Variants in FRMPD1 observed in about 807,000 individuals in gnomAD.
FRMPD1 encodes FERM and PDZ domain containing 1, also known as FERM and PDZ domain-containing protein 1.
Under a neutral mutation model 117.8 loss-of-function variants are expected in FRMPD1, and 76 were observed. The observed-to-expected ratio is 0.65, with a 90% confidence interval of 0.54 to 0.78. The LOEUF is 0.78. FRMPD1 is among the 30% of genes least tolerant of loss of function. FRMPD1 has a pLI of 0.00. For missense variants in FRMPD1, 1,786 were observed against 1,964.5 expected (o/e 0.91, Z 1.72); for synonymous variants, 783 against 770.4 (o/e 1.02, Z -0.27).
Position 37,740,685 on chromosome 9 carries a change from G to C in FRMPD1, c.2157G>C (p.Leu719=). ...CCAGTGTCTCCCCGGCCAGCTACCT[G>C]AGTGACAGTTCCGAGAGTACAGCTT... ...LCSSVSPASY[L]SDSSESTASR... is the part of the protein sequence containing the mutation. The change falls in exon 15 of 16, where the codon CTG becomes CTC. Residue 719 remains leucine, a synonymous_variant. Transcript: ENST00000377765. This position sits in a 1 kb window ranked among gnomAD's most constrained non-coding sequence, Gnocchi z 4.2. The C allele has an allele frequency of 6.2e-7, 1 of 1,614,190 alleles. No homozygotes were observed. Among genetic ancestry groups the C allele is most frequent in the Non-Finnish European group, 8.5e-7 (1 of 1,180,020 alleles).
intron 1 of FRMPD1, among the ~76,000 whole-genome samples, chr9:37,667,267 T>C (rs1821189703): frequency 6.6e-6 from 1 of 150,736 alleles, no homozygotes; most frequent in Admixed American, 6.6e-5. Context: ...GGTCTCACCA[T>C]GTTGGCCAGG....
intron 1 of FRMPD1, among the ~76,000 whole-genome samples, chr9:37,681,567 C>T (rs184904106): frequency 5.3e-5 from 8 of 152,302 alleles, no homozygotes; most frequent in South Asian, 4.1e-4. Context: ...GCTATGATCA[C>T]GGTAATGAAC....
At chr9:37,643,161 G>A in the FRMPD1 span, among the ~76,000 whole-genome samples, 1 of 152,180 alleles carries the variant, frequency 6.6e-6, no homozygotes, top group South Asian at 2.1e-4. Flanking sequence ...AGAAATTAGA[G>A]TCTTTTTTAC....
rs1459264668 is a variant in FRMPD1 at position 37,740,252 on chromosome 9, C to A, written c.1724C>A (p.Thr575Asn). The A allele has an allele frequency of 1.2e-6, 2 of 1,613,900 alleles. No individual in the cohort carries two copies. Among genetic ancestry groups the A allele is most frequent in the South Asian group, 1.1e-5 (1 of 91,080 alleles). Reference sequence around the variant, plus strand: ...GAGGTGGCTAGGAGGGGCCCCAGCACCTGCGGGGCCAGCAGCACGACAGAC... The same window carrying A: ...GAGGTGGCTAGGAGGGGCCCCAGCAACTGCGGGGCCAGCAGCACGACAGAC... The part of the protein sequence containing the change: ...TPEVARRGPS[T>N]CGASSTTDSA... The change falls in exon 15 of 16, where the codon ACC becomes AAC. Residue 575 changes from threonine to asparagine, a missense_variant. By Grantham distance (65) the Thr-to-Asn change is moderately conservative. Coordinates refer to ENST00000377765, the MANE Select transcript of FRMPD1 (RefSeq NM_014907.3). The surrounding 1 kb of genome is among the most constrained non-coding windows in gnomAD (Gnocchi z 4.2).
At chr9:37,709,272 A>G (rs779560053) in intron 4 of FRMPD1, among the ~76,000 whole-genome samples, 98 of 147,782 alleles carry the variant, frequency 6.6e-4, no homozygotes, top group Non-Finnish European at 9.9e-4. Flanking sequence ...GCTAACTTGA[A>G]GAGATATATA....
At chr9:37,627,142 T>A in the FRMPD1 span, among the ~76,000 whole-genome samples, 36 of 151,990 alleles carry the variant, frequency 2.4e-4, no homozygotes, top group African/African-American at 8.7e-4. Flanking sequence ...CATGCTCCAC[T>A]CTTTCAGCTC....
the FRMPD1 span, among the ~76,000 whole-genome samples, chr9:37,608,519 G>C: frequency 6.6e-6 from 1 of 150,440 alleles, no homozygotes; most frequent in African/African-American, 2.5e-5. Flanking sequence ...TTCCTGAGAT[G>C]GGGGGAGGGT....
chr9:37,691,607 T>A (rs1236681271), intron 1 of FRMPD1, among the ~76,000 whole-genome samples: 1 of 152,214 alleles, frequency 6.6e-6, no homozygotes, highest in Non-Finnish European at 1.5e-5. Flanking sequence ...ATAATTTTTT[T>A]AAAAGAATAA....
At chr9:37,610,160 TTTTTGAA>T in the FRMPD1 span, among the ~76,000 whole-genome samples, 19 of 152,250 alleles carry the variant, frequency 1.2e-4, no homozygotes, top group Non-Finnish European at 2.6e-4. Flanking sequence ...TGTGGAGATT[TTTTTGAA>T]TTTTGAATCA....
At chr9:37,741,030 A>G (rs1475547075) in intron 15 of FRMPD1, 146 bp downstream of exon 15, 5 of 653,532 alleles carry the variant, frequency 7.7e-6, no homozygotes, top group East Asian at 2.7e-5. Flanking sequence ...TACAGATTCC[A>G]TGGACCAAAT....
rs373427561 is a variant in FRMPD1 at position 37,740,900 on chromosome 9, C to A, written c.2356+16C>A. On this transcript the variant is annotated intron_variant, in intron 15 of 15. Coordinates refer to ENST00000377765, the MANE Select transcript of FRMPD1 (RefSeq NM_014907.3). This position sits in a 1 kb window ranked among gnomAD's most constrained non-coding sequence, Gnocchi z 4.2. ...CCCCCGTCAGGTGAGCCGTCCCTTG[C>A]AGGTCTGCAGACACGGCAGGCAGCT... 18 of 1,601,446 alleles carry A rather than the reference C, an allele frequency of 1.1e-5. No homozygotes were observed. In the African/African-American group the frequency reaches 2.0e-4, roughly 18 times the overall value.
intron 4 of FRMPD1, among the ~76,000 whole-genome samples, chr9:37,710,573 C>T (rs1035749067): frequency 5.3e-5 from 8 of 152,176 alleles, no homozygotes; most frequent in East Asian, 1.9e-4. Context: ...ATCTGATAAA[C>T]GTTATCCACA....
the FRMPD1 span, among the ~76,000 whole-genome samples, chr9:37,638,026 C>CTTTGTTTCTTTCTTTCTTTCTT: frequency 4.2e-5 from 2 of 47,358 alleles, no homozygotes; most frequent in African/African-American, 1.6e-4. Flanking sequence ...CTTTCTTTCT[C>CTTTGTTTCTTTCTTTCTTTCTT]TCTCTTTCTT....
chr9:37,643,715 G>A, the FRMPD1 span, among the ~76,000 whole-genome samples: 1 of 151,900 alleles, frequency 6.6e-6, no homozygotes, highest in African/African-American at 2.4e-5. Context: ...ATCTGCTTTG[G>A]CTACTTATAT....
intron 9 of FRMPD1, among the ~76,000 whole-genome samples, chr9:37,731,347 A>G (rs1823871744): frequency 6.6e-6 from 1 of 152,190 alleles, no homozygotes; most frequent in African/African-American, 2.4e-5. Flanking sequence ...TACATTTTCT[A>G]ATACCATTTT....
the FRMPD1 span, among the ~76,000 whole-genome samples, chr9:37,642,194 C>G: frequency 1.3e-5 from 2 of 152,210 alleles, no homozygotes; most frequent in Non-Finnish European, 2.9e-5. Context: ...CACCAGCTAT[C>G]TGGATGATCT....
At position 37,733,710 on chromosome 9, in the gene FRMPD1, G is replaced by GTT. The variant is rs202015898; in HGVS notation, c.1123-12_1123-11dup. The GTT allele has an allele frequency of 5.9e-6, 9 of 1,531,188 alleles. No individual in the cohort carries two copies. The highest frequency in any genetic ancestry group is 1.4e-5 in the African/African-American group (1 of 72,888). The allele number at this position is 1,531,188 out of a possible 1,614,324, so 94.9% of individuals were successfully genotyped here. On this transcript the variant is annotated intron_variant, in intron 11 of 15. Coordinates refer to ENST00000377765, the MANE Select transcript of FRMPD1 (RefSeq NM_014907.3). ...CCAATGAATAACTCTGACTTCAAGT[G>GTT]TTTTTTTTTCTCTATTAAGCAACTT... is the stretch of plus-strand genomic sequence containing the variant.
At chr9:37,685,457 C>T (rs1406858187) in intron 1 of FRMPD1, among the ~76,000 whole-genome samples, 1 of 151,550 alleles carries the variant, frequency 6.6e-6, no homozygotes, top group Non-Finnish European at 1.5e-5. Context: ...TCCTGGCTAA[C>T]ACGGTGAAAC....
chr9:37,691,458 C>T (rs911766259), intron 1 of FRMPD1, among the ~76,000 whole-genome samples: 22 of 152,276 alleles, frequency 1.4e-4, no homozygotes, highest in Admixed American at 3.9e-4. Flanking sequence ...TTAATAATAT[C>T]GTACCAATGT....
Sources: allele counts gnomAD v4.1 joint callset (sites outside exome capture counted in the v4.1 genomes callset), GRCh38; gene constraint gnomAD v4.1.1; non-coding constraint Gnocchi (gnomAD v3.1); transcripts MANE v1.5; gene names NCBI Gene and HGNC (gene_info 2026-07-23, HGNC 2026-07-21).